The following RFX3 variants were observed in gnomAD, a reference collection of about 807,000 sequenced individuals.
RFX3 encodes regulatory factor X3.
RFX3 carries 14 observed loss-of-function variants against 98.6 expected under a neutral mutation model. The observed-to-expected ratio is 0.14, with a 90% CI of 0.09 to 0.22. The LOEUF (loss-of-function observed/expected upper bound fraction) is 0.22. Among genes scored for constraint, RFX3 ranks in the 10% least tolerant of loss-of-function variants. RFX3 has a pLI of 1.00. For synonymous variants in RFX3, 383 were observed against 328.4 expected (o/e 1.17, Z -1.80); for missense variants, 639 against 926.9 (o/e 0.69, Z 4.03).
intron 1 of RFX3, among the ~76,000 whole-genome samples, chr9:3,404,300 T>C (rs760415959): frequency 1.3e-5 from 2 of 152,184 alleles, no homozygotes. Context: ...TATATGTATA[T>C]ACACTTGGAA....
At chr9:3,253,841 A>T (rs913025271) in intron 14 of RFX3, among the ~76,000 whole-genome samples, 3 of 152,170 alleles carry the variant, frequency 2.0e-5, no homozygotes, top group Non-Finnish European at 2.9e-5. Context: ...CAAAAACATT[A>T]AAAAATATTC....
At chr9:3,511,164 C>T (rs1294816857) in intron 1 of RFX3, among the ~76,000 whole-genome samples, 1 of 151,952 alleles carries the variant, frequency 6.6e-6, no homozygotes, top group Non-Finnish European at 1.5e-5. Context: ...TTATTTAATG[C>T]ACTGTATTTA....
In RFX3 at chr9:3,414,743, T is replaced by C. The variant is rs1184355471; in HGVS notation, c.-8-19147A>G. Reference sequence around the variant, plus strand: ...GTATATATGAGTATATATGTATATATGAGTATATATGAGTATATATGTATA... The same window carrying C: ...GTATATATGAGTATATATGTATATACGAGTATATATGAGTATATATGTATA... On this transcript the variant is annotated intron_variant, in intron 1 of 16. Coordinates refer to ENST00000617270, the MANE Select transcript of RFX3 (RefSeq NM_001282116.2). Among the ~76,000 whole-genome samples, 35 of 43,790 alleles carry C rather than the reference T, an allele frequency of 8.0e-4. No homozygotes were observed. The East Asian group carries it at 0.033, about 41-fold the overall frequency. 28.7% of individuals were successfully genotyped at this position (43,790 alleles called of 152,430 possible).
At chr9:3,356,973 GCACACAC>G (rs1835851109) in intron 2 of RFX3, among the ~76,000 whole-genome samples, 1 of 128,968 alleles carries the variant, frequency 7.8e-6, no homozygotes, top group African/African-American at 3.3e-5. Context: ...GCACACACAC[GCACACAC>G]ACACACACAC....
chr9:3,414,763 T>TGA (rs1842784768), intron 1 of RFX3, among the ~76,000 whole-genome samples: 1 of 133,542 alleles, frequency 7.5e-6, no homozygotes, highest in African/African-American at 2.8e-5. Context: ...TGAGTATATA[T>TGA]GTATATATGA....
intron 3 of RFX3, among the ~76,000 whole-genome samples, chr9:3,335,517 T>C (rs1237609583): frequency 6.6e-6 from 1 of 152,140 alleles, no homozygotes; most frequent in Admixed American, 6.5e-5. Context: ...TTTTGGCATA[T>C]CAGATTGAAA....
chr9:3,308,991 C>G (rs1829653224), intron 4 of RFX3, among the ~76,000 whole-genome samples: 1 of 152,082 alleles, frequency 6.6e-6, no homozygotes. Flanking sequence ...GAGCTAGAGA[C>G]TATACCAATT....
intron 1 of RFX3, among the ~76,000 whole-genome samples, chr9:3,486,791 C>T (rs1025984802): frequency 7.9e-5 from 12 of 152,234 alleles, no homozygotes; most frequent in African/African-American, 2.9e-4. Context: ...ACTTCTAACC[C>T]TTATTAAACG....
intron 4 of RFX3, among the ~76,000 whole-genome samples, chr9:3,323,070 T>C (rs1256118313): frequency 1.3e-5 from 2 of 152,214 alleles, no homozygotes; most frequent in Non-Finnish European, 2.9e-5. Flanking sequence ...CTGCCACCAA[T>C]AGTTACAATC....
At chr9:3,517,848 A>G (rs1818326619) in intron 1 of RFX3, among the ~76,000 whole-genome samples, 1 of 152,190 alleles carries the variant, frequency 6.6e-6, no homozygotes, top group African/African-American at 2.4e-5. Flanking sequence ...ATAATAATAG[A>G]CTATCGGAAA....
chr9:3,285,657 C>T (rs148874163), intron 7 of RFX3, among the ~76,000 whole-genome samples: 2 of 151,710 alleles, frequency 1.3e-5, no homozygotes, highest in East Asian at 1.9e-4. Context: ...TTAAGAGCAA[C>T]TGTCTATAAT....
chr9:3,266,959 T>C (rs541026568), intron 11 of RFX3, among the ~76,000 whole-genome samples: 113 of 152,146 alleles, frequency 7.4e-4, no homozygotes, highest in African/African-American at 2.6e-3. Flanking sequence ...ACTCCTAAAA[T>C]AGCTCATTCT....
At chr9:3,474,089 C>A (rs528610777) in intron 1 of RFX3, among the ~76,000 whole-genome samples, 46 of 152,178 alleles carry the variant, frequency 3.0e-4, no homozygotes, top group Middle Eastern at 6.8e-3. Flanking sequence ...GGGCTGGGAA[C>A]CACACTTTGA....
At chr9:3,441,679 T>C (rs1195462323) in intron 1 of RFX3, among the ~76,000 whole-genome samples, 1 of 152,166 alleles carries the variant, frequency 6.6e-6, no homozygotes, top group Non-Finnish European at 1.5e-5. Flanking sequence ...GAATGTAATG[T>C]GAAGTATAAA....
rs746073703 is a variant in RFX3, at chr9:3,220,638, C to CT, written c.*4403_*4404insA. On this transcript the variant is annotated 3_prime_UTR_variant, in exon 17 of 17. Coordinates refer to ENST00000617270, the MANE Select transcript of RFX3 (RefSeq NM_001282116.2). Reference sequence around the variant, plus strand: ...GCGTGGAAACACTTTCTCTTCCTACCCCCCCCTTTAAAAAAACAGCATAAT... The same window carrying CT: ...GCGTGGAAACACTTTCTCTTCCTACCTCCCCCCTTTAAAAAAACAGCATAAT... The CT allele has an allele frequency of 6.6e-6, 1 of 150,440 alleles. No individual in the cohort carries two copies. The highest frequency in any genetic ancestry group is 1.5e-5 in the Non-Finnish European group (1 of 67,530). 9.3% of individuals were successfully genotyped at this position (150,440 alleles called of 1,614,324 possible).
chr9:3,368,111 T>C (rs7021584), intron 2 of RFX3, among the ~76,000 whole-genome samples: 18,004 of 152,240 alleles, frequency 0.12, 1,749 homozygotes, highest in African/African-American at 0.27. Context: ...GTTGATCTTC[T>C]GCCTCTAAGT....
intron 1 of RFX3, among the ~76,000 whole-genome samples, chr9:3,512,952 C>A (rs772958394): frequency 2.6e-5 from 4 of 151,940 alleles, no homozygotes; most frequent in African/African-American, 9.7e-5. Flanking sequence ...CTTTTTGTAA[C>A]CCTCTACAAT....
chr9:3,372,458 CAG>C (rs1166733181), intron 2 of RFX3, among the ~76,000 whole-genome samples: 8 of 152,208 alleles, frequency 5.3e-5, no homozygotes, highest in African/African-American at 1.9e-4. Context: ...ATCTTTGTAC[CAG>C]AGTCTGCTTC....
intron 9 of RFX3, 166 bp downstream of exon 9, chr9:3,275,334 T>G: frequency 4.3e-6 from 2 of 466,346 alleles, no homozygotes; most frequent in Non-Finnish European, 7.6e-6. Flanking sequence ...ATCTCTCCAC[T>G]CTGAGACCAG....
Sources: allele counts gnomAD v4.1 joint callset (sites outside exome capture counted in the v4.1 genomes callset), GRCh38; gene constraint gnomAD v4.1.1; transcripts MANE v1.5; gene names NCBI Gene and HGNC (gene_info 2026-07-23, HGNC 2026-07-21).